The following PAX2 variants were observed in gnomAD, a reference collection of about 807,000 sequenced individuals.
PAX2 encodes the protein paired box protein Pax-2.
PAX2 carries 9 observed loss-of-function variants against 41.7 expected under a neutral mutation model. The observed-to-expected ratio is 0.22, with a 90% confidence interval of 0.13 to 0.38. The LOEUF is 0.38. Among genes scored for constraint, PAX2 ranks in the 10% least tolerant of loss-of-function variants. The probability of loss-of-function intolerance (pLI) is 1.00; values close to 1 mark genes in which losing one functional copy is unlikely to be tolerated. For synonymous variants in PAX2, 221 were observed against 212.7 expected, an observed-to-expected ratio of 1.04 and a Z score of -0.34; for missense variants, 418 against 531.6, an observed-to-expected ratio of 0.79 and a Z score of 2.10.
chr10:100,774,235 C>T (rs566885205), intron 3 of PAX2, among the ~76,000 whole-genome samples: 4 of 152,358 alleles, frequency 2.6e-5, no homozygotes, highest in Admixed American at 2.6e-4. Flanking sequence ...CTCACAGAGC[C>T]TGAGACTGTG....
At chr10:100,759,038 C>T (rs1478488114) in intron 3 of PAX2, among the ~76,000 whole-genome samples, 1 of 152,118 alleles carries the variant, frequency 6.6e-6, no homozygotes, top group Non-Finnish European at 1.5e-5. Flanking sequence ...AAGGGCGCTG[C>T]CTTGGGCTGG....
chr10:100,749,520 G>T, intron 1 of PAX2: 1 of 1,347,958 alleles, frequency 7.4e-7, no homozygotes, highest in Non-Finnish European at 9.5e-7. Context: ...GCGTCGCAAG[G>T]CCTGAGTCGC....
intron 3 of PAX2, among the ~76,000 whole-genome samples, chr10:100,774,956 C>T (rs1299627960): frequency 6.6e-6 from 1 of 152,262 alleles, no homozygotes; most frequent in Non-Finnish European, 1.5e-5. Flanking sequence ...TGGAGGTCCC[C>T]AGGAAAGGGC....
At chr10:100,779,178 A>AT (rs1846508089) in intron 3 of PAX2, among the ~76,000 whole-genome samples, 1 of 152,236 alleles carries the variant, frequency 6.6e-6, no homozygotes, top group Non-Finnish European at 1.5e-5. Context: ...CTCACCCTGC[A>AT]GAAAAAGAAA....
rs375303672 is a variant in PAX2 at position 100,753,545 on chromosome 10, G to A, written c.410+2654G>A. ...CTGTGTGCACAAAGTGTGGTGCACC[G>A]GGGAACGGGTGGTTCTTGAGTTTAG... On this transcript the variant is annotated intron_variant, in intron 3 of 9. Transcript: ENST00000355243. Among the ~76,000 whole-genome samples the A allele has an allele frequency of 2.6e-5, 4 of 152,304 alleles. No individual in the cohort carries two copies. The South Asian group carries it at 8.3e-4, about 32-fold the overall frequency.
At chr10:100,772,821 C>G (rs531028434) in intron 3 of PAX2, among the ~76,000 whole-genome samples, 124 of 152,292 alleles carry the variant, frequency 8.1e-4, no homozygotes, top group Non-Finnish European at 1.5e-3. Flanking sequence ...AATTTTGTTC[C>G]TCTAGGGAAT....
intron 3 of PAX2, among the ~76,000 whole-genome samples, chr10:100,773,658 G>C (rs976205091): frequency 6.6e-6 from 1 of 152,070 alleles, no homozygotes; most frequent in Non-Finnish European, 1.5e-5. Context: ...TTTGAACTTT[G>C]CGTGGCGATC....
At chr10:100,820,024 C>T (rs750902792) in intron 7 of PAX2, among the ~76,000 whole-genome samples, 3 of 152,218 alleles carry the variant, frequency 2.0e-5, no homozygotes, top group Non-Finnish European at 4.4e-5. Context: ...GCTTTGAACA[C>T]TTCTGGGGAC....
At chr10:100,757,517 T>C (rs559169152) in intron 3 of PAX2, among the ~76,000 whole-genome samples, 1 of 152,382 alleles carries the variant, frequency 6.6e-6, no homozygotes, top group South Asian at 2.1e-4. Context: ...CTTACTTTGA[T>C]ACTTGGGTCC....
chr10:100,770,517 A>G (rs957038463), intron 3 of PAX2, among the ~76,000 whole-genome samples: 1 of 152,222 alleles, frequency 6.6e-6, no homozygotes, highest in African/African-American at 2.4e-5. Flanking sequence ...CATATCTTGA[A>G]GTTAAATCAA....
At chr10:100,774,035 G>A (rs569476265) in intron 3 of PAX2, among the ~76,000 whole-genome samples, 3 of 152,290 alleles carry the variant, frequency 2.0e-5, no homozygotes, top group East Asian at 3.9e-4. Context: ...GAGGAGCAGA[G>A]AAGGAGAAGA....
chr10:100,753,018 C>T (rs535026268), intron 3 of PAX2, among the ~76,000 whole-genome samples: 2 of 152,222 alleles, frequency 1.3e-5, no homozygotes, highest in East Asian at 3.9e-4. Context: ...GCAGAACCTG[C>T]CCAGCACAGA....
chr10:100,806,538 A>T lies in PAX2; in HGVS notation c.725A>T (p.Asp242Val). 6.2e-7 allele frequency: 1 copy of T among 1,614,204 alleles called. No individual in the cohort carries two copies. The highest frequency in any genetic ancestry group is 8.5e-7 in the Non-Finnish European group (1 of 1,180,036). Residue 242 changes from aspartate (D) to valine (V), a missense_variant, in exon 6 of 10, where the codon GAT becomes GTT. Around this residue, in one of 2 missense-constraint regions of PAX2, gnomAD observed 310 missense variants for 325.2 expected, o/e 0.95. Transcript: ENST00000355243. ...TFTQQQLEAL[D>V]RVFERPSYPD... ...ACCCAGCAGCAGCTGGAAGCTTTGG[A>T]TCGGGTCTTTGAGCGTCCTTCCTAC...
At chr10:100,739,147 G>A (rs1844867281) in intron 1 of PAX2, among the ~76,000 whole-genome samples, 1 of 152,036 alleles carries the variant, frequency 6.6e-6, no homozygotes, top group Admixed American at 6.5e-5. Flanking sequence ...CCTGGCTCCA[G>A]GCTGGACGTA....
Position 100,782,103 on chromosome 10 carries a change from G to A in PAX2, c.616+738G>A, listed in dbSNP as rs142011704. Among the ~76,000 whole-genome samples, 841 of 152,272 alleles carry A rather than the reference G, an allele frequency of 5.5e-3. 10 individuals carry two copies. The highest frequency in any genetic ancestry group is 0.019 in the African/African-American group (791 of 41,552). On this transcript the variant is annotated intron_variant, in intron 5 of 9. Coordinates refer to ENST00000355243, the MANE Select transcript of PAX2 (RefSeq NM_000278.5). ...TGACCATCTGGTTCTCTTCTGATGC[G>A]TGAAGCTGGGGCACAGGGCTGGCAG...
rs78667569 is a variant in PAX2 at position 100,829,432 on chromosome 10, G to A, written c.*1813G>A. On this transcript the variant is annotated 3_prime_UTR_variant, in exon 10 of 10. Transcript: ENST00000355243. Reference sequence around the variant, plus strand: ...TCGCGGGCGTGCCCCGCGCGCCCCGGGCGGCCGAAGGCCGGGCCGCCCCGT... The same window carrying A: ...TCGCGGGCGTGCCCCGCGCGCCCCGAGCGGCCGAAGGCCGGGCCGCCCCGT... 0.068 allele frequency: 14,089 copies of A among 205,934 alleles called. 884 individuals are homozygous for A. The highest frequency in any genetic ancestry group is 0.18 in the African/African-American group (7,871 of 43,754). 12.8% of individuals were successfully genotyped at this position (205,934 alleles called of 1,614,324 possible). A position where few individuals can be genotyped will look rare whatever the true frequency, so the allele number is the denominator to read the frequency against.
At chr10:100,764,668 C>T (rs562177062) in intron 3 of PAX2, among the ~76,000 whole-genome samples, 2 of 150,856 alleles carry the variant, frequency 1.3e-5, no homozygotes, top group East Asian at 3.9e-4. Context: ...TTTGAGAGCC[C>T]AGACCTTGTG....
intron 6 of PAX2, among the ~76,000 whole-genome samples, chr10:100,808,336 C>T (rs970320694): frequency 4.6e-5 from 7 of 151,898 alleles, no homozygotes; most frequent in Non-Finnish European, 1.0e-4. Flanking sequence ...AGGGGGTACT[C>T]TAGGGGGGCC....
intron 6 of PAX2, among the ~76,000 whole-genome samples, chr10:100,807,221 C>T (rs115658754): frequency 7.8e-4 from 118 of 152,252 alleles, no homozygotes; most frequent in African/African-American, 2.8e-3. Context: ...AAACGCACAA[C>T]GCAGAAACCA....
Sources: gnomAD v4.1 joint callset for allele counts (sites outside exome capture counted in the v4.1 genomes callset) on GRCh38, gnomAD v4.1.1 for gene constraint, gnomAD v4.1.1 regional missense constraint, MANE v1.5 for transcripts, NCBI Gene and HGNC (gene_info 2026-07-23, HGNC 2026-07-21) for gene names.